The following MED13L variants were observed in gnomAD, a reference collection of about 807,000 sequenced individuals.
The protein encoded by MED13L is mediator complex subunit 13L, also known as mediator of RNA polymerase II transcription subunit 13-like.
A neutral mutation model predicts 220.9 loss-of-function variants in MED13L; 7 were observed. The ratio of observed to expected loss-of-function variants is 0.03; its 90% confidence interval spans 0.02 to 0.06. The LOEUF (loss-of-function observed/expected upper bound fraction) is 0.06, where lower values mean the gene tolerates loss of function less well. Ranked by LOEUF, MED13L falls within the 10% of genes least tolerant of loss-of-function variation. The pLI is 1.00. For synonymous variants in MED13L, 1,011 were observed against 1,015.2 expected (o/e 1.00, Z 0.08); for missense variants, 1,965 against 2,760.5 (o/e 0.71, Z 6.46).
At chr12:116,236,956 A>T (rs530393469) in intron 2 of MED13L, 2 of 654,424 alleles carry the variant, frequency 3.1e-6, no homozygotes, top group African/African-American at 4.0e-5. Context: ...CACCCAATTC[A>T]GACCAGATCC....
At chr12:116,161,818 CT>C (rs1022473167) in intron 2 of MED13L, among the ~76,000 whole-genome samples, 5 of 152,156 alleles carry the variant, frequency 3.3e-5, no homozygotes, top group African/African-American at 1.2e-4. Context: ...AGTAAATTCC[CT>C]TGTGTTTCTA....
chr12:115,981,658 T>C lies in MED13L; in HGVS notation c.5176-720A>G, dbSNP rs1334488739. Among the ~76,000 whole-genome samples, 5 of 152,278 alleles carry C rather than the reference T, an allele frequency of 3.3e-5. No individual in the cohort carries two copies. In the East Asian group the frequency reaches 7.7e-4, roughly 23 times the overall value. ...GAAATGTGAAAAATAAGATTATACA[T>C]AAACGTGTCCTATGGCTTTATTTAT... On this transcript the variant is annotated intron_variant, in intron 22 of 30. Coordinates refer to ENST00000281928, the MANE Select transcript of MED13L (RefSeq NM_015335.5).
Position 116,019,767 on chromosome 12 carries a change from T to C in MED13L, c.820+11A>G. On this transcript the variant is annotated intron_variant, in intron 6 of 30. Transcript: ENST00000281928. ...AGAATAAAGTTCTTCAGGCAAAATA[T>C]TTTCTCTTACCAACAATTACTTCAA... is the stretch of plus-strand genomic sequence containing the variant. 2 of 1,612,236 alleles carry C rather than the reference T, an allele frequency of 1.2e-6. No homozygotes were observed. Among genetic ancestry groups the C allele is most frequent in the Non-Finnish European group, 1.7e-6 (2 of 1,178,402 alleles).
At chr12:116,274,424 C>CAAAAAA (rs989877048) in intron 1 of MED13L, among the ~76,000 whole-genome samples, 8 of 89,660 alleles carry the variant, frequency 8.9e-5, no homozygotes, top group Admixed American at 1.2e-4. Context: ...AAAAACAAAA[C>CAAAAAA]AAAAAAAAAA....
chr12:116,150,687 CTTA>C (rs941529743), intron 2 of MED13L, among the ~76,000 whole-genome samples: 20 of 152,168 alleles, frequency 1.3e-4, no homozygotes, highest in Non-Finnish European at 1.5e-5. Flanking sequence ...TTTCCTCATT[CTTA>C]TTATTATCTG....
intron 4 of MED13L, among the ~76,000 whole-genome samples, chr12:116,084,408 A>G (rs1483045951): frequency 1.3e-5 from 2 of 152,200 alleles, no homozygotes; most frequent in East Asian, 3.8e-4. Flanking sequence ...TTGCAAACGT[A>G]AAAGTATATA....
intron 2 of MED13L, among the ~76,000 whole-genome samples, chr12:116,120,237 T>C (rs909499010): frequency 6.6e-5 from 10 of 152,052 alleles, no homozygotes; most frequent in African/African-American, 2.4e-4. Context: ...ACACTTAGTG[T>C]TAAGCAAATC....
chr12:116,257,256 G>C (rs551872648), intron 1 of MED13L, among the ~76,000 whole-genome samples: 1 of 152,210 alleles, frequency 6.6e-6, no homozygotes, highest in South Asian at 2.1e-4. Context: ...TATTATTTAC[G>C]AGGCAGGCAC....
chr12:115,963,147 C>T (rs1875886451), intron 30 of MED13L, among the ~76,000 whole-genome samples: 1 of 152,182 alleles, frequency 6.6e-6, no homozygotes, highest in Admixed American at 6.5e-5. Flanking sequence ...CTCTCTTCAT[C>T]ACCATGAAGT....
At chr12:115,994,923 T>A (rs1044584436) in intron 16 of MED13L, among the ~76,000 whole-genome samples, 2 of 152,340 alleles carry the variant, frequency 1.3e-5, no homozygotes, top group African/African-American at 4.8e-5. Context: ...GTGGAAGTCC[T>A]GTGCGGGAGG....
At chr12:116,067,050 G>C (rs1004574119) in intron 4 of MED13L, among the ~76,000 whole-genome samples, 2 of 151,900 alleles carry the variant, frequency 1.3e-5, no homozygotes, top group Non-Finnish European at 2.9e-5. Flanking sequence ...TAATTGTGGA[G>C]GACAAAGTGA....
intron 25 of MED13L, among the ~76,000 whole-genome samples, chr12:115,974,663 A>C (rs1439088719): frequency 6.6e-6 from 1 of 152,232 alleles, no homozygotes; most frequent in African/African-American, 2.4e-5. Context: ...AGAACATCAG[A>C]CAGTGGCAAT....
intron 2 of MED13L, among the ~76,000 whole-genome samples, chr12:116,214,856 T>C (rs1220166834): frequency 1.3e-5 from 2 of 152,200 alleles, no homozygotes; most frequent in Admixed American, 6.5e-5. Flanking sequence ...TCAAACATAA[T>C]AATCTTTGTT....
chr12:115,966,546 AGATTAC>A (rs1256645917), intron 28 of MED13L, among the ~76,000 whole-genome samples: 4 of 152,222 alleles, frequency 2.6e-5, no homozygotes, highest in African/African-American at 9.6e-5. Flanking sequence ...TAAAATGGAA[AGATTAC>A]AATCTCTGAC....
chr12:116,159,449 A>T (rs1180814480), intron 2 of MED13L, among the ~76,000 whole-genome samples: 2 of 152,194 alleles, frequency 1.3e-5, no homozygotes, highest in African/African-American at 4.8e-5. Flanking sequence ...ACCAGAATAC[A>T]ATTTCCTCTC....
intron 2 of MED13L, among the ~76,000 whole-genome samples, chr12:116,128,807 T>C (rs559760834): frequency 4.6e-5 from 7 of 152,334 alleles, no homozygotes; most frequent in South Asian, 2.1e-4. Context: ...TGTAAGTGCA[T>C]GTAAACAAGA....
At chr12:116,247,877 C>T (rs1871220107) in intron 1 of MED13L, among the ~76,000 whole-genome samples, 1 of 152,118 alleles carries the variant, frequency 6.6e-6, no homozygotes, top group South Asian at 2.1e-4. Flanking sequence ...TACAATTAAA[C>T]AATGTGAAGT....
At chr12:116,059,600 T>C (rs1311841914) in intron 4 of MED13L, among the ~76,000 whole-genome samples, 2 of 151,990 alleles carry the variant, frequency 1.3e-5, no homozygotes, top group Non-Finnish European at 2.9e-5. Flanking sequence ...GTGTTTTTAA[T>C]AGAGACGGGG....
At chr12:116,136,899 A>G (rs571081032) in intron 2 of MED13L, among the ~76,000 whole-genome samples, 1 of 152,346 alleles carries the variant, frequency 6.6e-6, no homozygotes, top group East Asian at 1.9e-4. Flanking sequence ...TTTCCTGAAT[A>G]AACTTGAGAT....
Sources: gnomAD v4.1 joint callset for allele counts (sites outside exome capture counted in the v4.1 genomes callset) on GRCh38, gnomAD v4.1.1 for gene constraint, MANE v1.5 for transcripts, NCBI Gene and HGNC (gene_info 2026-07-23, HGNC 2026-07-21) for gene names.